CCT7: variants seen among roughly 807,000 people sequenced by gnomAD.
The protein encoded by CCT7 is chaperonin containing TCP1 subunit 7.
A neutral mutation model predicts 56.6 loss-of-function variants in CCT7; 16 were observed. The observed-to-expected ratio is 0.28, with a 90% CI of 0.19 to 0.43. The LOEUF (loss-of-function observed/expected upper bound fraction) is 0.43. Among genes scored for constraint, CCT7 ranks in the 20% least tolerant of loss-of-function variants. The probability of loss-of-function intolerance (pLI) is 1.00; values close to 1 mark genes in which losing one functional copy is unlikely to be tolerated. For missense variants in CCT7, 519 were observed against 685.6 expected (o/e 0.76, Z 2.71); for synonymous variants, 262 against 254.8 (o/e 1.03, Z -0.27).
In CCT7 at chr2:73,252,771, G is replaced by T. The variant is rs750703268; in HGVS notation, c.1542G>T (p.Val514=). The T allele has an allele frequency of 6.2e-7, 1 of 1,614,162 alleles. No homozygotes were observed. Among genetic ancestry groups the T allele is most frequent in the Non-Finnish European group, 8.5e-7 (1 of 1,180,030 alleles). ...CCTCTGAGGCTGCGTGCCTGATCGT[G>T]TCTGTAGATGAAACCATCAAGAACC... ...TAASEAACLI[V]SVDETIKNPR... The change falls in exon 12 of 12, where the codon GTG becomes GTT. Residue 514 remains valine, a synonymous_variant. Transcript: ENST00000258091.
intron 6 of CCT7, among the ~76,000 whole-genome samples, chr2:73,247,305 G>A (rs1312419567): frequency 6.6e-6 from 1 of 152,144 alleles, no homozygotes; most frequent in East Asian, 1.9e-4. Context: ...GCAAATTATG[G>A]GTACATGGAG....
At chr2:73,239,402 G>C (rs998667032) in intron 1 of CCT7, 3 of 467,772 alleles carry the variant, frequency 6.4e-6, no homozygotes, top group Admixed American at 7.4e-5. Flanking sequence ...TTTTAGATTA[G>C]GTCAGTGCTT....
At chr2:73,245,610 A>G (rs532839909) in intron 6 of CCT7, among the ~76,000 whole-genome samples, 2 of 152,298 alleles carry the variant, frequency 1.3e-5, no homozygotes, top group South Asian at 2.1e-4. Context: ...TGGTATCTCC[A>G]TGCTGCTTTT....
Position 73,251,421 on chromosome 2 carries a change from C to A in CCT7, c.1399C>A (p.Arg467=). 1.5e-6 allele frequency: 2 copies of A among 1,357,570 alleles called. No individual in the cohort carries two copies. Among genetic ancestry groups the A allele is most frequent in the African/African-American group, 3.0e-5 (2 of 66,218 alleles). 84.1% of individuals were successfully genotyped at this position (1,357,570 alleles called of 1,614,324 possible). Residue 467 remains arginine, a synonymous_variant, in exon 11 of 12, where the codon CGG becomes AGG. Coordinates refer to ENST00000258091, the MANE Select transcript of CCT7 (RefSeq NM_006429.4). ...ATNILNKLRA[R]HAQGGTWYGV... The stretch of plus-strand genomic sequence containing the variant: ...AAACATTCTCAACAAGCTGCGGGCT[C>A]GGCATGCCCAGGTGGGTCCTTTCTC...
chr2:73,239,966 G>A lies in CCT7; in HGVS notation c.160+170G>A, dbSNP rs1211290282. The A allele has an allele frequency of 6.4e-6, 4 of 623,336 alleles. No homozygotes were observed. In the African/African-American group the frequency reaches 7.4e-5, roughly 12 times the overall value. The allele number at this position is 623,336 out of a possible 1,614,324, so 38.6% of individuals were successfully genotyped here. On this transcript the variant is annotated intron_variant, in intron 2 of 11. Coordinates refer to ENST00000258091, the MANE Select transcript of CCT7 (RefSeq NM_006429.4). ...ATATTGTCCTGACTGCTGAGCCCGT[G>A]TGGGACTATATGAGAGAACCTAGGC...
intron 1 of CCT7, 110 bp downstream of exon 1, chr2:73,234,494 C>A (rs1686771043): frequency 7.7e-7 from 1 of 1,293,628 alleles, no homozygotes; most frequent in Non-Finnish European, 1.1e-6. Flanking sequence ...CCGCCTCTGT[C>A]CTCGCCCAGA....
rs760632421 is a variant in CCT7, at chr2:73,252,731, A to T, written c.1502A>T (p.Asn501Ile). ...TGGGAGCCAGCTATGGTGCGGATCA[A>T]TGCGCTGACAGCAGCCTCTGAGGCT... is the stretch of plus-strand genomic sequence containing the variant. ...FVWEPAMVRINALTAASEAAC... is the reference protein window; with the variant it reads ...FVWEPAMVRIIALTAASEAAC... The change falls in exon 12 of 12, where the codon AAT becomes ATT. Residue 501 changes from asparagine to isoleucine, a missense_variant. Around this residue, in one of 3 missense-constraint regions of CCT7, gnomAD observed 237 missense variants for 300.8 expected, o/e 0.79. Coordinates refer to ENST00000258091, the MANE Select transcript of CCT7 (RefSeq NM_006429.4). 12 of 1,614,060 alleles carry T rather than the reference A, an allele frequency of 7.4e-6. No individual in the cohort carries two copies. The highest frequency in any genetic ancestry group is 1.0e-5 in the Non-Finnish European group (12 of 1,180,034).
At chr2:73,241,790 G>T (rs1687126030) in intron 3 of CCT7, among the ~76,000 whole-genome samples, 1 of 151,412 alleles carries the variant, frequency 6.6e-6, no homozygotes, top group African/African-American at 2.4e-5. Context: ...GCCCAGGCTG[G>T]AGTGCAATGG....
In CCT7 at chr2:73,251,293, C is replaced by G; in HGVS notation, c.1271C>G (p.Ser424Ter). Residue 424 changes from serine (S) to a stop codon, truncating the protein, a stop_gained, in exon 11 of 12, where the codon TCA (serine) becomes TGA (stop). Coordinates refer to ENST00000258091, the MANE Select transcript of CCT7 (RefSeq NM_006429.4). LOFTEE classifies it high-confidence loss of function. ...CTCTCCAAGTACCTGCGGGATTACT[C>G]AAGGACTATTCCAGGAAAACAGCAG... ...MELSKYLRDY[S>*]RTIPGKQQLL... is the part of the protein sequence containing the mutation. 1 of 1,614,198 alleles carries G rather than the reference C, an allele frequency of 6.2e-7. No individual in the cohort carries two copies. The highest frequency in any genetic ancestry group is 8.5e-7 in the Non-Finnish European group (1 of 1,180,038).
intron 1 of CCT7, 32 bp from the exon 2 acceptor site, chr2:73,239,611 T>C: frequency 6.2e-7 from 1 of 1,602,146 alleles, no homozygotes; most frequent in South Asian, 1.1e-5. Flanking sequence ...AATAGATGAT[T>C]ATTAAAAGCA....
At chr2:73,239,566 G>T in intron 1 of CCT7, 77 bp from the exon 2 acceptor site, 1 of 1,329,618 alleles carries the variant, frequency 7.5e-7, no homozygotes, top group Non-Finnish European at 1.1e-6. Context: ...GGAGAGATGG[G>T]AGCATTTTCC....
In CCT7 at chr2:73,239,576, C is replaced by T; in HGVS notation, c.7-67C>T. 3 of 1,441,488 alleles carry T rather than the reference C, an allele frequency of 2.1e-6. No individual in the cohort carries two copies. In the Admixed American group the frequency reaches 5.6e-5, roughly 27 times the overall value. The allele number at this position is 1,441,488 out of a possible 1,614,324, so 89.3% of individuals were successfully genotyped here. A position where few individuals can be genotyped will look rare whatever the true frequency, so the allele number is the denominator to read the frequency against. ...TTAAGGGAGAGATGGGAGCATTTTCCCCTTTCCCCTGCCAGTCTCATTATA... is the reference window on the plus strand; with the variant it reads ...TTAAGGGAGAGATGGGAGCATTTTCTCCTTTCCCCTGCCAGTCTCATTATA... On this transcript the variant is annotated intron_variant, in intron 1 of 11. Coordinates refer to ENST00000258091, the MANE Select transcript of CCT7 (RefSeq NM_006429.4).
In CCT7 at chr2:73,249,094, G is replaced by C. The variant is rs772321598; in HGVS notation, c.887G>C (p.Gly296Ala). ...GTTGTCTTGTCCAAACTCCCCATTGGGGATGTGGCCACCCAGTACTTTGCT... is the reference window on the plus strand; with the variant it reads ...GTTGTCTTGTCCAAACTCCCCATTGCGGATGTGGCCACCCAGTACTTTGCT... ...AKVVLSKLPI[G>A]DVATQYFADR... Residue 296 changes from glycine to alanine, a missense_variant, in exon 8 of 12, where the codon GGG becomes GCG. Coordinates refer to ENST00000258091, the MANE Select transcript of CCT7 (RefSeq NM_006429.4). The C allele has an allele frequency of 6.2e-7, 1 of 1,614,164 alleles. No homozygotes were observed. Among genetic ancestry groups the C allele is most frequent in the South Asian group, 1.1e-5 (1 of 91,080 alleles).
intron 2 of CCT7, 59 bp downstream of exon 2, chr2:73,239,855 T>G: frequency 6.8e-7 from 1 of 1,479,712 alleles, no homozygotes; most frequent in South Asian, 1.2e-5. Flanking sequence ...GAGGGGGTGT[T>G]TGGGACTAGC....
chr2:73,240,757 A>G (rs1042530351), intron 3 of CCT7, among the ~76,000 whole-genome samples: 1 of 152,190 alleles, frequency 6.6e-6, no homozygotes, highest in Non-Finnish European at 1.5e-5. Flanking sequence ...GTGAATGACA[A>G]CAGTCTTTAG....
intron 4 of CCT7, chr2:73,243,336 T>G: frequency 1.7e-6 from 1 of 579,368 alleles, no homozygotes; most frequent in Non-Finnish European, 3.0e-6. Context: ...CAGGTTAGAG[T>G]CAGCCTGGTA....
chr2:73,248,877 T>C, intron 7 of CCT7, 114 bp from the exon 8 acceptor site: 4 of 808,184 alleles, frequency 4.9e-6, no homozygotes, highest in Admixed American at 5.0e-5. Flanking sequence ...TCTCTGTTAA[T>C]TCCCAGATGA....
At chr2:73,240,028 G>C (rs1687040249) in intron 2 of CCT7, 1 of 461,324 alleles carries the variant, frequency 2.2e-6, no homozygotes, top group Non-Finnish European at 3.8e-6. Context: ...ACGTGGCCTA[G>C]AAACATGAAA....
rs1197085961 is a variant in CCT7 at position 73,252,899 on chromosome 2, G to A, written c.*38G>A. The A allele has an allele frequency of 6.6e-7, 1 of 1,525,186 alleles. No homozygotes were observed. The highest frequency in any genetic ancestry group is 1.7e-5 in the Admixed American group (1 of 57,982). 94.5% of individuals were successfully genotyped at this position (1,525,186 alleles called of 1,614,324 possible). ...CCATCACATGGCTGGCTGGCTGCTG[G>A]GTGCACTTACCCTCCTTGGCTTGGT... On this transcript the variant is annotated 3_prime_UTR_variant, in exon 12 of 12. Coordinates refer to ENST00000258091, the MANE Select transcript of CCT7 (RefSeq NM_006429.4).
Sources: allele counts gnomAD v4.1 joint callset (sites outside exome capture counted in the v4.1 genomes callset), GRCh38; gene constraint gnomAD v4.1.1; regional missense constraint gnomAD v4.1.1; transcripts MANE v1.5; gene names NCBI Gene and HGNC (gene_info 2026-07-23, HGNC 2026-07-21).